The following DNMT1 variants were observed in gnomAD, a reference collection of about 807,000 sequenced individuals.
DNMT1 encodes DNA (cytosine-5)-methyltransferase 1.
In DNMT1, 24 loss-of-function variants were observed where a neutral mutation model predicts 205.3. That is an observed-to-expected ratio of 0.12 (90% CI 0.08 to 0.16). The LOEUF (loss-of-function observed/expected upper bound fraction) is 0.16. Ranked by LOEUF, DNMT1 falls within the 10% of genes least tolerant of loss-of-function variation. The pLI is 1.00. For missense variants in DNMT1, 1,293 were observed against 2,177.7 expected (o/e 0.59, Z 8.09); for synonymous variants, 817 against 839.8 (o/e 0.97, Z 0.47).
At chr19:10,139,529 G>GTC (rs2089560091) in intron 34 of DNMT1, 147 bp downstream of exon 34, 1 of 1,373,028 alleles carries the variant, frequency 7.3e-7, no homozygotes, top group Admixed American at 2.0e-5. Context: ...CCCTGACTCC[G>GTC]CCAGTGGGAC....
At chr19:10,171,439 G>A (rs2038812828) in intron 9 of DNMT1, among the ~76,000 whole-genome samples, 1 of 151,972 alleles carries the variant, frequency 6.6e-6, no homozygotes, top group Non-Finnish European at 1.5e-5. Flanking sequence ...TGATGGCTGA[G>A]GCAGGTGGAC....
intron 1 of DNMT1, among the ~76,000 whole-genome samples, chr19:10,188,199 C>CA (rs2039232145): frequency 2.0e-5 from 3 of 152,292 alleles, no homozygotes; most frequent in Admixed American, 1.3e-4. Flanking sequence ...AGGCCGGCTG[C>CA]ATGGCAGCTG....
chr19:10,149,858 T>C lies in DNMT1; in HGVS notation c.2376A>G (p.Leu792=), dbSNP rs1039509599. The C allele has an allele frequency of 6.2e-7, 1 of 1,614,230 alleles. No homozygotes were observed. The highest frequency in any genetic ancestry group is 1.3e-5 in the African/African-American group (1 of 75,064). The part of the protein sequence containing the change: ...IPDDSSKPLY[L]ARVTALWEDS... ...GCAAAAAGAAAGATGCAAACCTTGC[T>C]AGATACAGCGGTTTTGAGGAATCAT... Residue 792 remains leucine, a synonymous_variant, in exon 25 of 41, where the codon CTA becomes CTG. Coordinates refer to ENST00000359526, the MANE Select transcript of DNMT1 (RefSeq NM_001130823.3).
Position 10,154,274 on chromosome 19 carries a change from C to T in DNMT1, c.2019+19G>A, listed in dbSNP as rs531721071. 1.1e-4 allele frequency: 173 copies of T among 1,613,594 alleles called. No homozygotes were observed. Among genetic ancestry groups the T allele is most frequent in the South Asian group, 8.8e-4 (80 of 91,060 alleles). Reference sequence around the variant, plus strand: ...CTGGGCCACCTTAGGGGAGCGGGAGCACCCACAGGTGAGGTTACCTCACAG... The same window carrying T: ...CTGGGCCACCTTAGGGGAGCGGGAGTACCCACAGGTGAGGTTACCTCACAG... On this transcript the variant is annotated intron_variant, in intron 22 of 40. Coordinates refer to ENST00000359526, the MANE Select transcript of DNMT1 (RefSeq NM_001130823.3). This position sits in a 1 kb window ranked among gnomAD's most constrained non-coding sequence, Gnocchi z 6.3.
chr19:10,148,509 G>GA (rs572078285), intron 27 of DNMT1, among the ~76,000 whole-genome samples: 57 of 134,552 alleles, frequency 4.2e-4, no homozygotes, highest in South Asian at 1.4e-3. Context: ...AAAAAAAAAA[G>GA]AAAAAAAAAA....
intron 22 of DNMT1, among the ~76,000 whole-genome samples, chr19:10,153,263 C>A (rs1261208976): frequency 1.3e-5 from 2 of 152,098 alleles, no homozygotes; most frequent in Non-Finnish European, 2.9e-5. Context: ...ATTCATTTAA[C>A]AAAATACTAC....
chr19:10,185,506 A>G (rs2039161408), intron 1 of DNMT1, among the ~76,000 whole-genome samples: 1 of 151,772 alleles, frequency 6.6e-6, no homozygotes, highest in Non-Finnish European at 1.5e-5. Flanking sequence ...TGTATATTAT[A>G]TATACTGTAT....
At chr19:10,141,076 C>G (rs756768514) in intron 31 of DNMT1, 29 bp downstream of exon 31, 1 of 1,613,800 alleles carries the variant, frequency 6.2e-7, no homozygotes, top group South Asian at 1.1e-5. Context: ...AGAAGAATAA[C>G]TTGAAAAGAA....
At chr19:10,171,804 C>CAAATAAAT (rs201700970) in intron 9 of DNMT1, among the ~76,000 whole-genome samples, 3,192 of 139,958 alleles carry the variant, frequency 0.023, 59 homozygotes, top group African/African-American at 0.044. Flanking sequence ...GACTCCGTCT[C>CAAATAAAT]AAATAAATAA....
chr19:10,192,980 G>A (rs1030837004), intron 1 of DNMT1, among the ~76,000 whole-genome samples: 1 of 152,066 alleles, frequency 6.6e-6, no homozygotes, highest in Admixed American at 6.6e-5. Context: ...CCTGAAAGTG[G>A]AGGTTGCAGT....
chr19:10,182,431 GTATATATATACATATATA>G (rs1568256148), intron 1 of DNMT1, among the ~76,000 whole-genome samples: 10 of 131,946 alleles, frequency 7.6e-5, no homozygotes, highest in East Asian at 4.3e-4. Context: ...ATATATGTGT[GTATATATATACATATATA>G]TGTGTATATA....
intron 11 of DNMT1, among the ~76,000 whole-genome samples, chr19:10,165,794 T>C (rs1245800687): frequency 6.6e-6 from 1 of 152,142 alleles, no homozygotes; most frequent in Admixed American, 6.6e-5. Flanking sequence ...TACTCCAGTC[T>C]GAAGGAGTGC....
chr19:10,144,056 C>T, intron 28 of DNMT1, 69 bp from the exon 29 acceptor site: 1 of 1,480,346 alleles, frequency 6.8e-7, no homozygotes. Flanking sequence ...GCATGACTGA[C>T]CAGTGAAAAT....
Position 10,159,961 on chromosome 19 carries a change from C to A in DNMT1, c.1090-39G>T. Reference sequence around the variant, plus strand: ...AACACAGATGATGGCACTCAGAGAGCAGCTCCCAGCCGCCTCGTGAGCGCC... The same window carrying A: ...AACACAGATGATGGCACTCAGAGAGAAGCTCCCAGCCGCCTCGTGAGCGCC... On this transcript the variant is annotated intron_variant, in intron 15 of 40. Coordinates refer to ENST00000359526, the MANE Select transcript of DNMT1 (RefSeq NM_001130823.3). This position sits in a 1 kb window ranked among gnomAD's most constrained non-coding sequence, Gnocchi z 5.0. The A allele has an allele frequency of 1.2e-6, 2 of 1,614,218 alleles. No individual in the cohort carries two copies. Among genetic ancestry groups the A allele is most frequent in the Non-Finnish European group, 1.7e-6 (2 of 1,180,032 alleles).
Position 10,167,781 on chromosome 19 carries a change from T to C in DNMT1, c.803+549A>G, listed in dbSNP as rs551178289. 4.6e-5 allele frequency among the ~76,000 whole-genome samples: 7 copies of C among 152,282 alleles called. No homozygotes were observed. In the East Asian group the frequency reaches 1.3e-3, roughly 29 times the overall value. The stretch of plus-strand genomic sequence containing the variant: ...GACACAGCTGCTCACCTGATGGCCT[T>C]TCACTACCACATGACACACAGCTGT... On this transcript the variant is annotated intron_variant, in intron 10 of 40. Coordinates refer to ENST00000359526, the MANE Select transcript of DNMT1 (RefSeq NM_001130823.3).
chr19:10,153,470 C>T (rs986339531), intron 22 of DNMT1, among the ~76,000 whole-genome samples: 1 of 151,782 alleles, frequency 6.6e-6, no homozygotes, highest in Admixed American at 6.6e-5. Flanking sequence ...CCCATCTCTA[C>T]TAAAAATACA....
intron 9 of DNMT1, among the ~76,000 whole-genome samples, chr19:10,171,828 T>C (rs2038824087): frequency 1.4e-5 from 2 of 146,960 alleles, no homozygotes; most frequent in African/African-American, 5.1e-5. Context: ...AATAAATAAA[T>C]AAATAAATAA....
At position 10,154,875 on chromosome 19, in the gene DNMT1, C is replaced by A; in HGVS notation, c.1644+30G>T. The A allele has an allele frequency of 6.2e-7, 1 of 1,614,198 alleles. No homozygotes were observed. Among genetic ancestry groups the A allele is most frequent in the Non-Finnish European group, 8.5e-7 (1 of 1,180,040 alleles). Reference sequence around the variant, plus strand: ...CTGAAGGCAAGTTTCCAGTGGGAATCCCGGATGCTGAGGACCCTCGATCTC... The same window carrying A: ...CTGAAGGCAAGTTTCCAGTGGGAATACCGGATGCTGAGGACCCTCGATCTC... On this transcript the variant is annotated intron_variant, in intron 20 of 40. Transcript: ENST00000359526. This position sits in a 1 kb window ranked among gnomAD's most constrained non-coding sequence, Gnocchi z 6.3.
In DNMT1 at chr19:10,151,507, T is replaced by C; in HGVS notation, c.2156A>G (p.Glu719Gly). The C allele has an allele frequency of 6.2e-7, 1 of 1,614,132 alleles. No homozygotes were observed. Among genetic ancestry groups the C allele is most frequent in the Non-Finnish European group, 8.5e-7 (1 of 1,180,040 alleles). ...CTCTGGGATGTTATCATCGACTTCC[T>C]CATCGTCATCTGCCTCCTTCATGGC... The part of the protein sequence containing the change: ...NMAMKEADDD[E>G]EVDDNIPEMP... The change falls in exon 24 of 41, where the codon GAG becomes GGG. Residue 719 changes from glutamate to glycine, a missense_variant. Transcript: ENST00000359526. This position sits in a 1 kb window ranked among gnomAD's most constrained non-coding sequence, Gnocchi z 5.0.
Sources: gnomAD v4.1 joint callset for allele counts (sites outside exome capture counted in the v4.1 genomes callset) on GRCh38, gnomAD v4.1.1 for gene constraint, Gnocchi (gnomAD v3.1) non-coding constraint, MANE v1.5 for transcripts, NCBI Gene and HGNC (gene_info 2026-07-23, HGNC 2026-07-21) for gene names.